Variants in RALGDS observed in about 807,000 individuals in gnomAD.
The protein encoded by RALGDS is ral guanine nucleotide dissociation stimulator.
RALGDS carries 44 observed loss-of-function variants against 99.8 expected under a neutral mutation model. That is an observed-to-expected ratio of 0.44 (90% CI 0.35 to 0.57). RALGDS has a LOEUF of 0.57. Among genes scored for constraint, RALGDS ranks in the 20% least tolerant of loss-of-function variants. The pLI, the probability that RALGDS is intolerant of heterozygous loss-of-function variation, is 0.01. For synonymous variants in RALGDS, 529 were observed against 505.0 expected (o/e 1.05, Z -0.64); for missense variants, 1,022 against 1,203.1 (o/e 0.85, Z 2.23).
At chr9:133,113,192 T>TGGCCTGGCCCA (rs1564240189) in intron 1 of RALGDS, among the ~76,000 whole-genome samples, 1 of 152,194 alleles carries the variant, frequency 6.6e-6, no homozygotes, top group Non-Finnish European at 1.5e-5. Flanking sequence ...TAAGAGGTAC[T>TGGCCTGGCCCA]GGCCTGGCCC....
chr9:133,106,258 A>G (rs1446731803), intron 8 of RALGDS, among the ~76,000 whole-genome samples: 1 of 151,850 alleles, frequency 6.6e-6, no homozygotes, highest in African/African-American at 2.4e-5. Context: ...TTTTGGAGAC[A>G]GTTTCAGTCA....
chr9:133,100,733 T>C (rs1830716541), intron 16 of RALGDS: 12 of 1,191,354 alleles, frequency 1.0e-5, no homozygotes, highest in Non-Finnish European at 1.3e-5. Flanking sequence ...AGACAGTCCC[T>C]AGTCCAAGCC....
chr9:133,148,776 G>A (rs762644544), intron 1 of RALGDS, among the ~76,000 whole-genome samples: 2 of 152,144 alleles, frequency 1.3e-5, no homozygotes, highest in Non-Finnish European at 2.9e-5. Flanking sequence ...CGTGTGCCCC[G>A]GGCGAGTCCC....
upstream of RALGDS, among the ~76,000 whole-genome samples, chr9:133,123,735 CAT>C (rs1176413432): frequency 2.1e-5 from 3 of 141,580 alleles, no homozygotes; most frequent in Admixed American, 7.7e-5. Flanking sequence ...GAGACACACA[CAT>C]AGAGACAGAG....
At chr9:133,107,628 C>T (rs1179427353) in intron 6 of RALGDS, among the ~76,000 whole-genome samples, 1 of 152,204 alleles carries the variant, frequency 6.6e-6, no homozygotes, top group African/African-American at 2.4e-5. Context: ...CCATAGGCTC[C>T]AGGACACACC....
chr9:133,100,532 G>C lies in RALGDS; in HGVS notation c.2455-150C>G. The C allele has an allele frequency of 2.0e-6, 3 of 1,526,328 alleles. No individual in the cohort carries two copies. The South Asian group carries it at 3.6e-5, about 18-fold the overall frequency. 94.5% of individuals were successfully genotyped at this position (1,526,328 alleles called of 1,614,324 possible). A position where few individuals can be genotyped will look rare whatever the true frequency, so the allele number is the denominator to read the frequency against. Reference sequence around the variant, plus strand: ...AGGTGCTGGGTCCGGAGAGGGCCTTGTCACATTCTCCTACTCCCCAAGTGA... The same window carrying C: ...AGGTGCTGGGTCCGGAGAGGGCCTTCTCACATTCTCCTACTCCCCAAGTGA... On this transcript the variant is annotated intron_variant, in intron 16 of 17. Coordinates refer to ENST00000372050, the MANE Select transcript of RALGDS (RefSeq NM_006266.4).
At chr9:133,100,245 C>T (rs750417150) in intron 17 of RALGDS, 23 bp downstream of exon 17, 55 of 1,606,536 alleles carry the variant, frequency 3.4e-5, no homozygotes, top group Admixed American at 1.0e-4. Flanking sequence ...CCTCTGCCAT[C>T]GCCCTCTGGT....
chr9:133,103,838 G>C lies in RALGDS; in HGVS notation c.1672-5C>G. On this transcript the variant is annotated splice_region_variant and splice_polypyrimidine_tract_variant and intron_variant, in intron 10 of 17. Transcript: ENST00000372050. ...AACGGTGCCCTGGATGATGCCCTGT[G>C]ACATTGGGGTAGGAGGATGAGCAAG... 1.2e-6 allele frequency: 2 copies of C among 1,612,564 alleles called. No individual in the cohort carries two copies. The highest frequency in any genetic ancestry group is 1.7e-6 in the Non-Finnish European group (2 of 1,179,474).
At chr9:133,145,632 C>T (rs896420494) in intron 1 of RALGDS, among the ~76,000 whole-genome samples, 7 of 152,146 alleles carry the variant, frequency 4.6e-5, no homozygotes, top group Admixed American at 3.9e-4. Flanking sequence ...GGACAGCCAA[C>T]CAGTGTGTTC....
chr9:133,101,842 A>T (rs1313289432), intron 15 of RALGDS, 80 bp from the exon 16 acceptor site: 1 of 1,552,580 alleles, frequency 6.4e-7, no homozygotes, highest in African/African-American at 1.4e-5. Context: ...GGAACCTTCT[A>T]GAAGCTGTGT....
At chr9:133,127,133 C>T (rs936162006) in intron 1 of RALGDS, among the ~76,000 whole-genome samples, 2 of 152,250 alleles carry the variant, frequency 1.3e-5, no homozygotes, top group Admixed American at 6.5e-5. Context: ...CATCCTTGGC[C>T]GGTACCTGAG....
chr9:133,112,577 C>T (rs1271474859), intron 1 of RALGDS, among the ~76,000 whole-genome samples: 2 of 152,170 alleles, frequency 1.3e-5, no homozygotes, highest in Non-Finnish European at 2.9e-5. Flanking sequence ...GGCTCTGACA[C>T]GGCTGACTGC....
chr9:133,121,216 C>G lies in RALGDS; in HGVS notation c.-62G>C, dbSNP rs1831927154. On this transcript the variant is annotated 5_prime_UTR_variant, in exon 1 of 18. Transcript: ENST00000372050. ...GCGCGGCGGGGGCGGCGGCGCGGCC[C>G]GCGCGGCTGGGCTTTGCCACCGCTG... 18 of 986,616 alleles carry G rather than the reference C, an allele frequency of 1.8e-5. No homozygotes were observed. The highest frequency in any genetic ancestry group is 4.7e-5 in the South Asian group (1 of 21,502). 61.1% of individuals were successfully genotyped at this position (986,616 alleles called of 1,614,324 possible). A position where few individuals can be genotyped will look rare whatever the true frequency, so the allele number is the denominator to read the frequency against.
chr9:133,111,224 G>C (rs975421204), intron 2 of RALGDS, among the ~76,000 whole-genome samples: 1 of 152,128 alleles, frequency 6.6e-6, no homozygotes, highest in East Asian at 1.9e-4. Flanking sequence ...CTAGAGATGA[G>C]GAAACAGAGG....
intron 10 of RALGDS, 114 bp from the exon 11 acceptor site, chr9:133,103,947 G>T (rs754404636): frequency 1.9e-6 from 2 of 1,028,998 alleles, no homozygotes; most frequent in Non-Finnish European, 3.0e-6. Flanking sequence ...GGCCTCCTGG[G>T]GCCCACTGTC....
At chr9:133,099,451 G>A (rs1830643641) in intron 17 of RALGDS, 1 of 152,566 alleles carries the variant, frequency 6.6e-6, no homozygotes. Flanking sequence ...AGGGATCACA[G>A]GAGTCATTGC....
At chr9:133,143,868 G>A (rs573188952) in intron 1 of RALGDS, among the ~76,000 whole-genome samples, 19 of 149,278 alleles carry the variant, frequency 1.3e-4, no homozygotes, top group East Asian at 7.8e-4. Context: ...CCAGCGGCCC[G>A]CTGTGCACTC....
chr9:133,124,177 GACAC>G (rs1832074441), upstream of RALGDS, among the ~76,000 whole-genome samples: 1 of 138,956 alleles, frequency 7.2e-6, no homozygotes, highest in African/African-American at 2.7e-5. Flanking sequence ...CAGAGACACA[GACAC>G]ACACACAGAC....
intron 1 of RALGDS, among the ~76,000 whole-genome samples, chr9:133,114,806 C>T (rs944424865): frequency 6.6e-6 from 1 of 152,262 alleles, no homozygotes; most frequent in Non-Finnish European, 1.5e-5. Flanking sequence ...ATGCTGATGT[C>T]CCTGGGCTCT....
Sources: gnomAD v4.1 joint callset for allele counts (sites outside exome capture counted in the v4.1 genomes callset) on GRCh38, gnomAD v4.1.1 for gene constraint, MANE v1.5 for transcripts, NCBI Gene and HGNC (gene_info 2026-07-23, HGNC 2026-07-21) for gene names.